TFEC: variants seen among roughly 807,000 people sequenced by gnomAD.
TFEC encodes class E basic helix-loop-helix protein 34.
In TFEC, 31 loss-of-function variants were observed where a neutral mutation model predicts 41.6. That is an observed-to-expected ratio of 0.74 (90% CI 0.56 to 1.01). TFEC has a LOEUF of 1.01. TFEC is among the 50% of genes least tolerant of loss of function. TFEC has a pLI of 0.00. For missense variants in TFEC, 402 were observed against 404.1 expected (o/e 0.99, Z 0.04); for synonymous variants, 143 against 140.6 (o/e 1.02, Z -0.12).
chr7:115,962,140 A>G (rs1245634247), intron 3 of TFEC, among the ~76,000 whole-genome samples: 1 of 151,756 alleles, frequency 6.6e-6, no homozygotes, highest in South Asian at 2.1e-4. Flanking sequence ...TTAACCCGAG[A>G]AGCGAAAGGC....
intron 1 of TFEC, among the ~76,000 whole-genome samples, chr7:115,988,330 T>C (rs1793950322): frequency 6.6e-6 from 1 of 152,104 alleles, no homozygotes; most frequent in African/African-American, 2.4e-5. Flanking sequence ...GTAGCCATCA[T>C]GCAAGAGCAG....
rs779618975 is a variant in TFEC at position 115,941,886 on chromosome 7, TA to T, written c.663+6del. On this transcript the variant is annotated splice_donor_region_variant and intron_variant, in intron 7 of 7. Transcript: ENST00000265440. Reference sequence around the variant, plus strand: ...TATGTGACTCATGGCTACATTCTTATAAAAACCTGAATCCGAAGTAGAAGTC... The same window carrying T: ...TATGTGACTCATGGCTACATTCTTATAAAACCTGAATCCGAAGTAGAAGTC... The T allele has an allele frequency of 1.2e-6, 2 of 1,612,874 alleles. No individual in the cohort carries two copies. The highest frequency in any genetic ancestry group is 1.7e-6 in the Non-Finnish European group (2 of 1,179,362).
intron 3 of TFEC, among the ~76,000 whole-genome samples, chr7:115,960,033 A>G (rs1792451408): frequency 6.6e-6 from 1 of 151,440 alleles, no homozygotes; most frequent in Non-Finnish European, 1.5e-5. Context: ...ATTTTCATTT[A>G]AAAATCAAAG....
At chr7:115,946,776 T>A (rs1350727678) in intron 6 of TFEC, among the ~76,000 whole-genome samples, 1 of 150,884 alleles carries the variant, frequency 6.6e-6, no homozygotes, top group Non-Finnish European at 1.5e-5. Flanking sequence ...CCTCAAACAA[T>A]CTTCCTGTTT....
chr7:116,016,738 T>C (rs992758867), intron 1 of TFEC, among the ~76,000 whole-genome samples: 9 of 151,842 alleles, frequency 5.9e-5, no homozygotes, highest in African/African-American at 2.2e-4. Flanking sequence ...ATACAGTATA[T>C]AATATTCTAT....
At chr7:116,140,527 T>C (rs2402036) in intron 1 of TFEC, among the ~76,000 whole-genome samples, 34,430 of 152,190 alleles carry the variant, frequency 0.23, 4,858 homozygotes, top group Admixed American at 0.34. Flanking sequence ...TTTTATATAA[T>C]TTCAAAGTAT....
chr7:115,954,708 A>G (rs183843189), intron 4 of TFEC, 66 bp from the exon 5 acceptor site: 8 of 1,185,268 alleles, frequency 6.7e-6, no homozygotes, highest in East Asian at 2.4e-5. Context: ...AGGCAACATA[A>G]TTCAGAACTC....
At chr7:116,005,980 C>G (rs930889073) in intron 1 of TFEC, among the ~76,000 whole-genome samples, 3 of 152,366 alleles carry the variant, frequency 2.0e-5, no homozygotes, top group Non-Finnish European at 2.9e-5. Flanking sequence ...TTGGCAGCTT[C>G]CATGAGGTGT....
intron 3 of TFEC, among the ~76,000 whole-genome samples, chr7:116,096,660 G>T (rs1217693986): frequency 1.3e-5 from 2 of 151,956 alleles, no homozygotes; most frequent in African/African-American, 4.8e-5. Flanking sequence ...TTTAAACTGG[G>T]TTGTTTTCTT....
At chr7:116,018,455 G>A (rs2078502904) in intron 1 of TFEC, among the ~76,000 whole-genome samples, 1 of 152,140 alleles carries the variant, frequency 6.6e-6, no homozygotes, top group South Asian at 2.1e-4. Flanking sequence ...AGGCTAACAT[G>A]TTATTGGATT....
At chr7:116,016,154 A>G (rs1795183268) in intron 1 of TFEC, among the ~76,000 whole-genome samples, 1 of 152,200 alleles carries the variant, frequency 6.6e-6, no homozygotes, top group Non-Finnish European at 1.5e-5. Flanking sequence ...GTGGTTAACA[A>G]AATCAAATGC....
chr7:116,017,957 A>T (rs949573547), intron 1 of TFEC, among the ~76,000 whole-genome samples: 1 of 152,138 alleles, frequency 6.6e-6, no homozygotes, highest in Non-Finnish European at 1.5e-5. Flanking sequence ...GTCTCTCTTT[A>T]TTTATTATTG....
intron 3 of TFEC, among the ~76,000 whole-genome samples, chr7:116,086,208 C>T (rs1305935511): frequency 6.6e-6 from 1 of 151,776 alleles, no homozygotes; most frequent in African/African-American, 2.4e-5. Flanking sequence ...TAAAGAGGGG[C>T]ACTTTAGATT....
intron 3 of TFEC, among the ~76,000 whole-genome samples, chr7:115,963,169 G>T (rs931253331): frequency 6.6e-6 from 1 of 151,726 alleles, no homozygotes; most frequent in Admixed American, 6.6e-5. Flanking sequence ...ATGGGCAAAA[G>T]ACTTGAATAG....
At chr7:116,022,052 G>T (rs1477719823) in intron 1 of TFEC, among the ~76,000 whole-genome samples, 1 of 152,162 alleles carries the variant, frequency 6.6e-6, no homozygotes, top group Non-Finnish European at 1.5e-5. Flanking sequence ...GGGTGGCCAG[G>T]AGAAAAGCAC....
At chr7:116,105,750 C>T (rs888131057) in intron 3 of TFEC, among the ~76,000 whole-genome samples, 1 of 152,026 alleles carries the variant, frequency 6.6e-6, no homozygotes, top group African/African-American at 2.4e-5. Context: ...TGCCTCACAT[C>T]CATGAAAGTC....
chr7:116,068,556 T>G (rs1286714365), intron 3 of TFEC, among the ~76,000 whole-genome samples: 1 of 151,726 alleles, frequency 6.6e-6, no homozygotes, highest in Non-Finnish European at 1.5e-5. Flanking sequence ...ACAGTCATAT[T>G]TTTTCAACAG....
chr7:116,120,301 C>T (rs1407079574), intron 1 of TFEC: 2 of 151,968 alleles, frequency 1.3e-5, no homozygotes, highest in Non-Finnish European at 2.9e-5. Flanking sequence ...TCCTTTCTCT[C>T]CATGGAATTT....
At chr7:116,066,055 G>C (rs914088328) in intron 3 of TFEC, among the ~76,000 whole-genome samples, 1 of 152,150 alleles carries the variant, frequency 6.6e-6, no homozygotes, top group Non-Finnish European at 1.5e-5. Context: ...AGAATCACTG[G>C]CAAATGCTAG....
Sources: allele counts gnomAD v4.1 joint callset (sites outside exome capture counted in the v4.1 genomes callset), GRCh38; gene constraint gnomAD v4.1.1; transcripts MANE v1.5; gene names NCBI Gene and HGNC (gene_info 2026-07-23, HGNC 2026-07-21).